Variants in DLG2 observed in about 807,000 individuals in gnomAD.
DLG2 encodes the protein discs large MAGUK scaffold protein 2.
Under a neutral mutation model 132.5 loss-of-function variants are expected in DLG2, and 45 were observed. The ratio of observed to expected loss-of-function variants is 0.34; its 90% CI spans 0.27 to 0.44. The LOEUF (loss-of-function observed/expected upper bound fraction) is 0.44. DLG2 is among the 20% of genes least tolerant of loss of function. The pLI is 1.00. For synonymous variants in DLG2, 424 were observed against 419.6 expected (o/e 1.01, Z -0.13); for missense variants, 1,045 against 1,196.9 (o/e 0.87, Z 1.87).
chr11:84,563,075 T>C (rs1161243253), intron 6 of DLG2, among the ~76,000 whole-genome samples: 4 of 152,228 alleles, frequency 2.6e-5, no homozygotes, highest in African/African-American at 9.6e-5. Flanking sequence ...AAGTTTATCT[T>C]GAGTAACGTT....
intron 8 of DLG2, among the ~76,000 whole-genome samples, chr11:84,231,466 C>T (rs2097092672): frequency 6.6e-6 from 1 of 152,030 alleles, no homozygotes; most frequent in Non-Finnish European, 1.5e-5. Context: ...GAATGACTGG[C>T]TTTTGAAGTA....
intron 3 of DLG2, among the ~76,000 whole-genome samples, chr11:85,328,775 G>A (rs1166436032): frequency 1.4e-5 from 2 of 146,536 alleles, no homozygotes; most frequent in African/African-American, 5.1e-5. Context: ...TTCTGGCCAG[G>A]GCAATCAGGC....
At chr11:83,908,363 T>C (rs536034562) in intron 15 of DLG2, among the ~76,000 whole-genome samples, 12 of 152,054 alleles carry the variant, frequency 7.9e-5, no homozygotes, top group Non-Finnish European at 1.3e-4. Context: ...TTAACCTTCC[T>C]CTGAACACTT....
Position 83,906,257 on chromosome 11 carries a change from TCACACACACACACACACACACACA to T in DLG2, c.1496+24047_1496+24070del, listed in dbSNP as rs540642615. On this transcript the variant is annotated intron_variant, in intron 15 of 27. Transcript: ENST00000376104. Reference sequence around the variant, plus strand: ...GTCTCTCTCTCTCTCTCTCTCTCTCTCACACACACACACACACACACACACACACACACACACACACACACACAC... The same window carrying T: ...GTCTCTCTCTCTCTCTCTCTCTCTCTCACACACACACACACACACACACAC... 4.2e-4 allele frequency among the ~76,000 whole-genome samples: 28 copies of T among 67,192 alleles called. 1 individual carries two copies. Among genetic ancestry groups the T allele is most frequent in the African/African-American group, 1.2e-3 (24 of 19,582 alleles). The allele number at this position is 67,192 out of a possible 152,430, so 44.1% of individuals were successfully genotyped here. A position where few individuals can be genotyped will look rare whatever the true frequency, so the allele number is the denominator to read the frequency against.
intron 18 of DLG2, among the ~76,000 whole-genome samples, chr11:83,695,814 G>T (rs1350718409): frequency 1.3e-5 from 2 of 152,168 alleles, no homozygotes; most frequent in Non-Finnish European, 1.5e-5. Context: ...TTAACCAAGG[G>T]AGAAGAGGTT....
intron 5 of DLG2, among the ~76,000 whole-genome samples, chr11:85,142,635 T>C (rs570339761): frequency 2.5e-4 from 38 of 151,810 alleles, no homozygotes; most frequent in Non-Finnish European, 4.7e-4. Context: ...ATCCTTGTCT[T>C]GTTATATATC....
chr11:84,823,654 T>A (rs908855104), intron 6 of DLG2, among the ~76,000 whole-genome samples: 4 of 150,640 alleles, frequency 2.7e-5, no homozygotes, highest in Non-Finnish European at 4.4e-5. Flanking sequence ...CGAGCCCAGT[T>A]ATTTTCTCCA....
chr11:84,801,627 T>C (rs1167459956), intron 6 of DLG2, among the ~76,000 whole-genome samples: 1 of 152,198 alleles, frequency 6.6e-6, no homozygotes, highest in Admixed American at 6.5e-5. Flanking sequence ...TAATTGACCG[T>C]GATGGGAGCT....
chr11:83,933,163 C>G (rs764678703), intron 14 of DLG2, among the ~76,000 whole-genome samples: 3 of 152,186 alleles, frequency 2.0e-5, no homozygotes, highest in Non-Finnish European at 4.4e-5. Context: ...AGAACAGATG[C>G]CACTATCACT....
intron 15 of DLG2, among the ~76,000 whole-genome samples, chr11:83,890,035 T>C (rs888150116): frequency 2.0e-4 from 31 of 151,990 alleles, no homozygotes; most frequent in African/African-American, 6.3e-4. Context: ...GTGTGCAGCA[T>C]ACCAGCATGG....
chr11:85,574,454 ACTCTTCTG>A (rs2078036746), intron 3 of DLG2, among the ~76,000 whole-genome samples: 1 of 150,936 alleles, frequency 6.6e-6, no homozygotes, highest in East Asian at 1.9e-4. Flanking sequence ...CTCCTCCTTG[ACTCTTCTG>A]TTATTCTTAT....
At chr11:84,379,900 T>C (rs757809463) in intron 7 of DLG2, among the ~76,000 whole-genome samples, 27 of 151,886 alleles carry the variant, frequency 1.8e-4, no homozygotes, top group Non-Finnish European at 3.2e-4. Context: ...AGACTTACTA[T>C]AGTAAAGCTG....
intron 22 of DLG2, among the ~76,000 whole-genome samples, chr11:83,479,252 T>A (rs1374764743): frequency 6.6e-6 from 1 of 152,086 alleles, no homozygotes; most frequent in Non-Finnish European, 1.5e-5. Flanking sequence ...TTTGTGCTGC[T>A]GCTCCTACTT....
intron 18 of DLG2, among the ~76,000 whole-genome samples, chr11:83,760,216 G>T (rs1313158852): frequency 6.6e-6 from 1 of 152,182 alleles, no homozygotes; most frequent in East Asian, 1.9e-4. Flanking sequence ...CTGGTGGGCA[G>T]AAATTGTCTC....
intron 6 of DLG2, among the ~76,000 whole-genome samples, chr11:84,970,898 G>A (rs1203699271): frequency 6.6e-6 from 1 of 152,120 alleles, no homozygotes; most frequent in Non-Finnish European, 1.5e-5. Flanking sequence ...AGACCTTCAG[G>A]CTTTCTGGAG....
chr11:84,542,900 T>A (rs1380310104), intron 6 of DLG2, among the ~76,000 whole-genome samples: 1 of 126,186 alleles, frequency 7.9e-6, no homozygotes, highest in South Asian at 2.8e-4. Context: ...TTTAAACACT[T>A]TGACATTTAC....
intron 4 of DLG2, among the ~76,000 whole-genome samples, chr11:85,259,759 C>A (rs960196155): frequency 6.6e-6 from 1 of 151,764 alleles, no homozygotes; most frequent in Non-Finnish European, 1.5e-5. Context: ...CCAGAAATTG[C>A]AAATTATTTA....
At chr11:84,041,800 G>A (rs2096089647) in intron 11 of DLG2, among the ~76,000 whole-genome samples, 2 of 151,880 alleles carry the variant, frequency 1.3e-5, no homozygotes, top group African/African-American at 4.8e-5. Context: ...ATCTTGAAAT[G>A]TAATTCCCAC....
At chr11:83,594,913 A>T (rs2057307828) in intron 19 of DLG2, among the ~76,000 whole-genome samples, 2 of 152,236 alleles carry the variant, frequency 1.3e-5, no homozygotes, top group African/African-American at 4.8e-5. Flanking sequence ...GTTTGAACTA[A>T]AAGGTAGATC....
Sources: allele counts gnomAD v4.1 joint callset (sites outside exome capture counted in the v4.1 genomes callset), GRCh38; gene constraint gnomAD v4.1.1; transcripts MANE v1.5; gene names NCBI Gene and HGNC (gene_info 2026-07-23, HGNC 2026-07-21).